Variants in TP53I11 observed in about 807,000 individuals in gnomAD.
The protein encoded by TP53I11 is tumor protein p53-inducible protein 11.
A neutral mutation model predicts 23.3 loss-of-function variants in TP53I11; 9 were observed. That is an observed-to-expected ratio of 0.39 (90% CI 0.23 to 0.67). The LOEUF (loss-of-function observed/expected upper bound fraction) is 0.67. Among genes scored for constraint, TP53I11 ranks in the 30% least tolerant of loss-of-function variants. The pLI is 0.48. For synonymous variants in TP53I11, 100 were observed against 106.1 expected (o/e 0.94, Z 0.35); for missense variants, 170 against 255.2 (o/e 0.67, Z 2.27).
At chr11:44,945,285 A>G (rs892625344) in intron 1 of TP53I11, among the ~76,000 whole-genome samples, 2 of 152,156 alleles carry the variant, frequency 1.3e-5, no homozygotes, top group African/African-American at 4.8e-5. Context: ...CTTCAAGACC[A>G]TGAATCCCCT....
Position 44,938,319 on chromosome 11 carries a change from G to T in TP53I11, c.17C>A (p.Pro6His). The T allele has an allele frequency of 6.2e-7, 1 of 1,605,416 alleles. No individual in the cohort carries two copies. The highest frequency in any genetic ancestry group is 8.5e-7 in the Non-Finnish European group (1 of 1,176,302). MAAKQ[P>H]PPLMKKHSQT... ...GCTGTGCTTCTTCATCAGAGGCGGG[G>T]GCTGCTTGGCCGCCATCTTCTCCTC... Residue 6 changes from proline to histidine, a missense_variant, in exon 2 of 7, where the codon CCC (proline) becomes CAC (histidine). Pro to His is a moderately conservative substitution (Grantham distance 77, BLOSUM62 -2). Transcript: ENST00000525680.
chr11:44,934,769 G>T lies in TP53I11; in HGVS notation c.*115C>A. The T allele has an allele frequency of 7.0e-7, 1 of 1,437,342 alleles. No homozygotes were observed. The highest frequency in any genetic ancestry group is 2.4e-5 in the East Asian group (1 of 41,776). 89.0% of individuals were successfully genotyped at this position (1,437,342 alleles called of 1,614,324 possible). ...AGGCCCCCCACCCCCTGCCTCCCTG[G>T]GGCAGGACTGGGGCAGGGCAGGGGA... On this transcript the variant is annotated 3_prime_UTR_variant, in exon 7 of 7. Transcript: ENST00000525680.
At position 44,934,853 on chromosome 11, in the gene TP53I11, G is replaced by A. The variant is rs1161120158; in HGVS notation, c.*31C>T. ...AGGCCCCAGCGCCACTCTGGCCCAG[G>A]CATGGGCAGGGCCCCAGGCCCAGCG... On this transcript the variant is annotated 3_prime_UTR_variant, in exon 7 of 7. Transcript: ENST00000525680. 8.7e-6 allele frequency: 14 copies of A among 1,613,108 alleles called. No homozygotes were observed. The Admixed American group carries it at 2.3e-4, about 27-fold the overall frequency.
chr11:44,937,504 C>T (rs1439584573), intron 3 of TP53I11, 51 bp downstream of exon 3: 1 of 1,600,780 alleles, frequency 6.2e-7, no homozygotes, highest in Non-Finnish European at 8.5e-7. Flanking sequence ...ATGCATTCTG[C>T]CCCACCGCCG....
At chr11:44,950,448 G>A (rs1308635177) in intron 1 of TP53I11, among the ~76,000 whole-genome samples, 1 of 152,136 alleles carries the variant, frequency 6.6e-6, no homozygotes, top group Non-Finnish European at 1.5e-5. Flanking sequence ...AGACGGAAGG[G>A]GCTGCGGGAC....
Position 44,936,779 on chromosome 11 carries a change from A to G in TP53I11, c.334+24T>C. 1 of 1,522,282 alleles carries G rather than the reference A, an allele frequency of 6.6e-7. No homozygotes were observed. The highest frequency in any genetic ancestry group is 8.8e-7 in the Non-Finnish European group (1 of 1,138,500). 94.3% of individuals were successfully genotyped at this position (1,522,282 alleles called of 1,614,324 possible). ...CTCCCAGCTGCCCGTCGCCTCCCCC[A>G]GGGCCCGCCCCAGCAGTACTCACTG... On this transcript the variant is annotated intron_variant, in intron 5 of 6. Transcript: ENST00000525680. This position sits in a 1 kb window ranked among gnomAD's most constrained non-coding sequence, Gnocchi z 4.4.
In TP53I11 at chr11:44,934,620, G is replaced by C. The variant is rs1480874830; in HGVS notation, c.*264C>G. Reference sequence around the variant, plus strand: ...GGGGTCTGGAGGCCAAGAGACCCAAGGAAAGGAGGTATCACTGTGAGGGTG... The same window carrying C: ...GGGGTCTGGAGGCCAAGAGACCCAACGAAAGGAGGTATCACTGTGAGGGTG... On this transcript the variant is annotated 3_prime_UTR_variant, in exon 7 of 7. Transcript: ENST00000525680. The C allele has an allele frequency of 1.3e-5, 6 of 466,302 alleles. No individual in the cohort carries two copies. The highest frequency in any genetic ancestry group is 1.1e-4 in the East Asian group (3 of 26,432). 28.9% of individuals were successfully genotyped at this position (466,302 alleles called of 1,614,324 possible). A position where few individuals can be genotyped will look rare whatever the true frequency, so the allele number is the denominator to read the frequency against.
chr11:44,942,951 C>T (rs1463494043), intron 1 of TP53I11, among the ~76,000 whole-genome samples: 1 of 152,230 alleles, frequency 6.6e-6, no homozygotes, highest in African/African-American at 2.4e-5. Context: ...TTCAGGGCCA[C>T]TCCAGGTGTT....
intron 1 of TP53I11, chr11:44,939,208 C>G (rs1231739558): frequency 6.6e-6 from 1 of 152,278 alleles, no homozygotes; most frequent in Admixed American, 6.5e-5. Flanking sequence ...GAGGAGACAG[C>G]AGTGTAAACG....
chr11:44,942,181 CACACACA>C (rs1861890673), intron 1 of TP53I11, among the ~76,000 whole-genome samples: 5 of 120,218 alleles, frequency 4.2e-5, no homozygotes, highest in South Asian at 2.9e-4. Flanking sequence ...ACACACAAAA[CACACACA>C]CACCACACAT....
At chr11:44,942,182 A>C (rs1861890093) in intron 1 of TP53I11, among the ~76,000 whole-genome samples, 1 of 124,550 alleles carries the variant, frequency 8.0e-6, no homozygotes, top group African/African-American at 3.0e-5. Context: ...CACACAAAAC[A>C]CACACACACC....
intron 3 of TP53I11, 47 bp downstream of exon 3, chr11:44,937,508 A>T (rs200098838): frequency 6.2e-7 from 1 of 1,605,796 alleles, no homozygotes; most frequent in African/African-American, 1.3e-5. Flanking sequence ...ATTCTGCCCC[A>T]CCGCCGCAGG....
chr11:44,937,027 T>A, intron 4 of TP53I11, 128 bp from the exon 5 acceptor site: 1 of 794,242 alleles, frequency 1.3e-6, no homozygotes, highest in Non-Finnish European at 2.0e-6. Flanking sequence ...CAGTCCAGGG[T>A]CTGGACCCAA....
At position 44,936,552 on chromosome 11, in the gene TP53I11, C is replaced by A. The variant is rs950413141; in HGVS notation, c.334+251G>T. 1 of 1,279,310 alleles carries A rather than the reference C, an allele frequency of 7.8e-7. No homozygotes were observed. Among genetic ancestry groups the A allele is most frequent in the Non-Finnish European group, 9.9e-7 (1 of 1,013,308 alleles). The allele number at this position is 1,279,310 out of a possible 1,614,324, so 79.2% of individuals were successfully genotyped here. A position where few individuals can be genotyped will look rare whatever the true frequency, so the allele number is the denominator to read the frequency against. Reference sequence around the variant, plus strand: ...TGTACCACAACGCCCAGAGGCAGTGCACACACTTATGAGCGCTCCTTGCAG... The same window carrying A: ...TGTACCACAACGCCCAGAGGCAGTGAACACACTTATGAGCGCTCCTTGCAG... On this transcript the variant is annotated intron_variant, in intron 5 of 6. Transcript: ENST00000525680. The surrounding 1 kb of genome is among the most constrained non-coding windows in gnomAD (Gnocchi z 4.4).
intron 1 of TP53I11, among the ~76,000 whole-genome samples, chr11:44,941,717 G>A (rs1861773742): frequency 6.6e-6 from 1 of 152,076 alleles, no homozygotes; most frequent in Non-Finnish European, 1.5e-5. Flanking sequence ...TGTGGCAGTG[G>A]CACCAGGATG....
At position 44,936,094 on chromosome 11, in the gene TP53I11, A is replaced by T; in HGVS notation, c.335-432T>A. On this transcript the variant is annotated intron_variant, in intron 5 of 6. Coordinates refer to ENST00000525680, the MANE Select transcript of TP53I11 (RefSeq NM_006034.5). The surrounding 1 kb of genome is among the most constrained non-coding windows in gnomAD (Gnocchi z 4.4). ...CCCAGACAGAAAACCTGAGCCCGGT[A>T]AGGACTCGCTTTAAGGAAGTCCCCT... The T allele has an allele frequency of 4.3e-6, 2 of 465,066 alleles. No individual in the cohort carries two copies. Among genetic ancestry groups the T allele is most frequent in the Non-Finnish European group, 5.8e-6 (2 of 343,124 alleles). 28.8% of individuals were successfully genotyped at this position (465,066 alleles called of 1,614,324 possible).
rs1191708366 is a variant in TP53I11, at chr11:44,950,826, A to AGGGCC, written c.-186_-182dup. 8.8e-6 allele frequency: 1 copy of AGGGCC among 113,362 alleles called. No homozygotes were observed. The highest frequency in any genetic ancestry group is 2.9e-5 in the African/African-American group (1 of 35,064). The allele number at this position is 113,362 out of a possible 1,614,324, so 7.0% of individuals were successfully genotyped here. ...AGGGCAGGACAGGGCAGGGCAGGGC[A>AGGGCC]GGGCCGGGCCGGCTGGACTGCGCGC... On this transcript the variant is annotated 5_prime_UTR_variant, in exon 1 of 7. Transcript: ENST00000525680.
At position 44,936,987 on chromosome 11, in the gene TP53I11, C is replaced by A. The variant is rs569454001; in HGVS notation, c.238-88G>T. 8.2e-6 allele frequency: 8 copies of A among 979,178 alleles called. No homozygotes were observed. Among genetic ancestry groups the A allele is most frequent in the South Asian group, 1.6e-5 (1 of 61,830 alleles). 60.7% of individuals were successfully genotyped at this position (979,178 alleles called of 1,614,324 possible). A position where few individuals can be genotyped will look rare whatever the true frequency, so the allele number is the denominator to read the frequency against. ...GCTTCCCACAGACGTCTTCCTTCCC[C>A]GCCAGGAGCAGGATCAGCATCCTTG... On this transcript the variant is annotated intron_variant, in intron 4 of 6. Coordinates refer to ENST00000525680, the MANE Select transcript of TP53I11 (RefSeq NM_006034.5). The surrounding 1 kb of genome is among the most constrained non-coding windows in gnomAD (Gnocchi z 4.4).
At chr11:44,950,933 G>T (rs1862910780), upstream of TP53I11, 1 of 151,746 alleles carries the variant, frequency 6.6e-6, no homozygotes, top group African/African-American at 2.4e-5. Flanking sequence ...AGCCAATGGC[G>T]CGCCGTCCCC....
Sources: gnomAD v4.1 joint callset for allele counts (sites outside exome capture counted in the v4.1 genomes callset) on GRCh38, gnomAD v4.1.1 for gene constraint, Gnocchi (gnomAD v3.1) non-coding constraint, MANE v1.5 for transcripts, NCBI Gene and HGNC (gene_info 2026-07-23, HGNC 2026-07-21) for gene names.